Variants in PON3 observed in about 807,000 individuals in gnomAD.
The protein encoded by PON3 is serum paraoxonase/lactonase 3.
A neutral mutation model predicts 36.3 loss-of-function variants in PON3; 37 were observed. That is an observed-to-expected ratio of 1.02 (90% confidence interval 0.78 to 1.34). The LOEUF (loss-of-function observed/expected upper bound fraction) is 1.34. PON3 is among the 40% of genes most tolerant of loss of function. PON3 has a pLI of 0.00. For synonymous variants in PON3, 155 were observed against 154.8 expected (o/e 1.00, Z -0.01); for missense variants, 415 against 426.5 (o/e 0.97, Z 0.24).
chr7:95,392,395 T>A (rs1809337528), intron 2 of PON3, among the ~76,000 whole-genome samples: 1 of 152,192 alleles, frequency 6.6e-6, no homozygotes, highest in Admixed American at 6.6e-5. Flanking sequence ...TCTAGTTGAG[T>A]GATACAATTC....
intron 3 of PON3, among the ~76,000 whole-genome samples, chr7:95,386,689 T>G (rs886771494): frequency 2.6e-5 from 4 of 152,066 alleles, no homozygotes; most frequent in African/African-American, 9.7e-5. Context: ...AATAGATAAT[T>G]TTAGGCCAAT....
At chr7:95,382,305 G>A (rs1383937544) in intron 3 of PON3, among the ~76,000 whole-genome samples, 1 of 152,092 alleles carries the variant, frequency 6.6e-6, no homozygotes, top group Non-Finnish European at 1.5e-5. Context: ...ACAGAATCCA[G>A]AGCAAACACA....
At chr7:95,392,112 A>T (rs1162635640) in intron 2 of PON3, among the ~76,000 whole-genome samples, 1 of 152,170 alleles carries the variant, frequency 6.6e-6, no homozygotes, top group Non-Finnish European at 1.5e-5. Context: ...TTTGTAAAGG[A>T]CTCAACAGGC....
At chr7:95,376,066 C>A (rs1043731262) in intron 3 of PON3, among the ~76,000 whole-genome samples, 4 of 152,138 alleles carry the variant, frequency 2.6e-5, no homozygotes, top group Non-Finnish European at 4.4e-5. Context: ...GATCTTGAAA[C>A]CTAGAGCAAG....
intron 3 of PON3, among the ~76,000 whole-genome samples, chr7:95,374,516 T>A (rs2116394137): frequency 6.6e-6 from 1 of 152,234 alleles, no homozygotes; most frequent in Non-Finnish European, 1.5e-5. Flanking sequence ...TTGAAATAAA[T>A]ATTTTCTTAA....
rs2116432170 is a variant in PON3, at chr7:95,396,262, C to G, written c.74+15G>C. ...AGAAAGAGAGTCGAAGACGCCCTGTCAAGATGCCACTCACCTAAACGCCAG... is the reference window on the plus strand; with the variant it reads ...AGAAAGAGAGTCGAAGACGCCCTGTGAAGATGCCACTCACCTAAACGCCAG... On this transcript the variant is annotated intron_variant, in intron 1 of 8. Transcript: ENST00000265627. The G allele has an allele frequency of 3.7e-6, 6 of 1,613,774 alleles. No individual in the cohort carries two copies. Among genetic ancestry groups the G allele is most frequent in the Non-Finnish European group, 5.1e-6 (6 of 1,179,744 alleles).
intron 4 of PON3, 42 bp downstream of exon 4, chr7:95,372,130 AT>A: frequency 7.0e-7 from 1 of 1,427,266 alleles, no homozygotes; most frequent in Non-Finnish European, 9.8e-7. Flanking sequence ...AATGGTTTCT[AT>A]TTCCCTCATT....
chr7:95,385,259 G>A (rs948913970), intron 3 of PON3, among the ~76,000 whole-genome samples: 3 of 152,086 alleles, frequency 2.0e-5, no homozygotes, highest in African/African-American at 7.2e-5. Flanking sequence ...TGTAAATGAT[G>A]AGTTAATTGG....
chr7:95,378,299 G>A lies in PON3; in HGVS notation c.202-5961C>T, dbSNP rs1418180960. Among the ~76,000 whole-genome samples the A allele has an allele frequency of 2.6e-5, 4 of 152,170 alleles. No homozygotes were observed. In the East Asian group the frequency reaches 7.7e-4, roughly 29 times the overall value. On this transcript the variant is annotated intron_variant, in intron 3 of 8. Coordinates refer to ENST00000265627, the MANE Select transcript of PON3 (RefSeq NM_000940.3). ...TTGATTGGTGTACCAGAAAGTGACA[G>A]GAAGAATGGATCCAACTTAGAAAAC... is the stretch of plus-strand genomic sequence containing the variant.
chr7:95,375,998 C>G (rs1468168269), intron 3 of PON3, among the ~76,000 whole-genome samples: 1 of 152,180 alleles, frequency 6.6e-6, no homozygotes, highest in African/African-American at 2.4e-5. Context: ...TTGCAAATGC[C>G]TGGTAGTATG....
intron 3 of PON3, among the ~76,000 whole-genome samples, chr7:95,373,208 T>C (rs1808847158): frequency 6.6e-6 from 1 of 152,194 alleles, no homozygotes; most frequent in South Asian, 2.1e-4. Context: ...TACAGTCTAT[T>C]GCAATTCTCT....
chr7:95,375,516 A>G lies in PON3; in HGVS notation c.202-3178T>C, dbSNP rs77556217. On this transcript the variant is annotated intron_variant, in intron 3 of 8. Transcript: ENST00000265627. ...ATTGTTCAGACTCTCTCTGCCACAC[A>G]TACAGAAAGGTTTGGAAGTAAACAG... Among the ~76,000 whole-genome samples, 328 of 152,222 alleles carry G rather than the reference A, an allele frequency of 2.2e-3. 10 individuals carry two copies. In the East Asian group the frequency reaches 0.058, roughly 27 times the overall value.
At chr7:95,390,974 C>T in intron 2 of PON3, among the ~76,000 whole-genome samples, 1 of 152,158 alleles carries the variant, frequency 6.6e-6, no homozygotes, top group South Asian at 2.1e-4. Flanking sequence ...ACTTATTAGC[C>T]TATGCACAAC....
chr7:95,383,283 A>T (rs1336665793), intron 3 of PON3, among the ~76,000 whole-genome samples: 1 of 152,184 alleles, frequency 6.6e-6, no homozygotes, highest in Non-Finnish European at 1.5e-5. Flanking sequence ...TTCCCTTTGA[A>T]AACCAGCACA....
chr7:95,387,360 A>T (rs140632117), intron 3 of PON3, among the ~76,000 whole-genome samples: 4 of 152,196 alleles, frequency 2.6e-5, no homozygotes, highest in African/African-American at 9.6e-5. Flanking sequence ...AGAGCCAATC[A>T]TGAGTGAACT....
At chr7:95,383,214 G>A (rs1397495750) in intron 3 of PON3, among the ~76,000 whole-genome samples, 1 of 152,034 alleles carries the variant, frequency 6.6e-6, no homozygotes, top group Non-Finnish European at 1.5e-5. Context: ...AAAATAATAA[G>A]AGCTATCTAT....
Position 95,367,369 on chromosome 7 carries a change from G to T in PON3, c.487C>A (p.Leu163Ile). ...VYLKTIKHEL[L>I]KSVNDIVVLG... ...AATACTTTCATTCCATACCTTTTGA[G>T]AAGTTCATGTTTTATAGTTTTCAGG... Residue 163 changes from leucine (L) to isoleucine (I), a missense_variant, in exon 5 of 9, where the codon CTC becomes ATC. Physicochemically the swap from Leu to Ile is conservative, Grantham distance 5. Transcript: ENST00000265627. 4 of 1,612,414 alleles carry T rather than the reference G, an allele frequency of 2.5e-6. No homozygotes were observed. Among genetic ancestry groups the T allele is most frequent in the Non-Finnish European group, 3.4e-6 (4 of 1,179,662 alleles).
chr7:95,386,681 T>C (rs571030345), intron 3 of PON3, among the ~76,000 whole-genome samples: 9 of 152,088 alleles, frequency 5.9e-5, no homozygotes, highest in African/African-American at 1.7e-4. Context: ...ACAACAAAAA[T>C]AGATAATTTT....
intron 3 of PON3, among the ~76,000 whole-genome samples, chr7:95,380,858 A>G (rs1418207872): frequency 1.3e-5 from 2 of 152,218 alleles, no homozygotes; most frequent in Admixed American, 6.5e-5. Context: ...AGAATGCCAC[A>G]AAGATATTCC....
Sources: gnomAD v4.1 joint callset for allele counts (sites outside exome capture counted in the v4.1 genomes callset) on GRCh38, gnomAD v4.1.1 for gene constraint, MANE v1.5 for transcripts, NCBI Gene and HGNC (gene_info 2026-07-23, HGNC 2026-07-21) for gene names.